PCSK5: variants seen among roughly 807,000 people sequenced by gnomAD.
PCSK5 encodes the protein proprotein convertase subtilisin/kexin type 5, also known as prohormone convertase 5.
In PCSK5, 129 loss-of-function variants were observed where a neutral mutation model predicts 233.2. The observed-to-expected ratio is 0.55, with a 90% confidence interval of 0.48 to 0.64. The LOEUF (loss-of-function observed/expected upper bound fraction) is 0.64, where lower values mean the gene tolerates loss of function less well. PCSK5 is among the 30% of genes least tolerant of loss of function. The pLI, the probability that PCSK5 is intolerant of heterozygous loss-of-function variation, is 0.00. For missense variants in PCSK5, 2,076 were observed against 2,430.1 expected, an observed-to-expected ratio of 0.85 and a Z score of 3.06; for synonymous variants, 825 against 879.2, an observed-to-expected ratio of 0.94 and a Z score of 1.09.
chr9:76,137,964 G>A (rs1823048959), intron 10 of PCSK5, among the ~76,000 whole-genome samples: 1 of 151,852 alleles, frequency 6.6e-6, no homozygotes, highest in Non-Finnish European at 1.5e-5. Flanking sequence ...ATTCTCCCTT[G>A]TGTTCCCTAA....
chr9:75,915,758 GATAAGT>G (rs374959054), intron 1 of PCSK5, among the ~76,000 whole-genome samples: 8 of 152,166 alleles, frequency 5.3e-5, no homozygotes, highest in Non-Finnish European at 7.3e-5. Context: ...GAATGGTCCA[GATAAGT>G]ATAAGTCTTG....
chr9:76,352,766 T>C (rs1015640277), intron 36 of PCSK5, among the ~76,000 whole-genome samples: 9 of 152,128 alleles, frequency 5.9e-5, no homozygotes, highest in Non-Finnish European at 1.3e-4. Flanking sequence ...ATATGAGCAC[T>C]CTTTAAATTC....
In PCSK5 at chr9:76,361,746, C is replaced by T. The variant is rs569448736; in HGVS notation, c.*2824C>T. ...TATCTCTTCAAAATGTATCTGAAGC[C>T]CTGATAGTTCTACTTTCAATTCTTA... On this transcript the variant is annotated 3_prime_UTR_variant, in exon 38 of 38. Transcript: ENST00000674117. The T allele has an allele frequency of 1.3e-5, 2 of 152,236 alleles. No individual in the cohort carries two copies. Among genetic ancestry groups the T allele is most frequent in the Non-Finnish European group, 2.9e-5 (2 of 68,016 alleles). 9.4% of individuals were successfully genotyped at this position (152,236 alleles called of 1,614,324 possible).
In PCSK5 at chr9:76,283,132, T is replaced by C. The variant is rs142705597; in HGVS notation, c.3143-9101T>C. On this transcript the variant is annotated intron_variant, in intron 24 of 37. Coordinates refer to ENST00000674117, the MANE Select transcript of PCSK5 (RefSeq NM_001372043.1). ...TCTCCTGGTGAAGATGCTGTGAACA[T>C]TGTTGAAATGAAAACAAATGATTTA... is the stretch of plus-strand genomic sequence containing the variant. Among the ~76,000 whole-genome samples, 600 of 152,328 alleles carry C rather than the reference T, an allele frequency of 3.9e-3. 4 individuals carry two copies. Among genetic ancestry groups the C allele is most frequent in the African/African-American group, 0.014 (571 of 41,574 alleles).
intron 10 of PCSK5, among the ~76,000 whole-genome samples, chr9:76,143,371 G>A (rs1481760602): frequency 6.6e-6 from 1 of 152,160 alleles, no homozygotes; most frequent in Non-Finnish European, 1.5e-5. Context: ...CATTTCATTT[G>A]AAAAACATTT....
At chr9:76,295,460 T>G (rs530940400) in intron 26 of PCSK5, 49 bp downstream of exon 26, 88 of 1,582,200 alleles carry the variant, frequency 5.6e-5, no homozygotes. Context: ...GCACTGGAGC[T>G]CCACACAGTC....
chr9:76,068,836 G>A (rs1242621145), intron 6 of PCSK5, among the ~76,000 whole-genome samples: 5 of 152,064 alleles, frequency 3.3e-5, no homozygotes, highest in East Asian at 1.9e-4. Flanking sequence ...TCCTAAGAGC[G>A]TCATAAGATG....
intron 20 of PCSK5, among the ~76,000 whole-genome samples, chr9:76,200,325 C>A (rs1215234440): frequency 6.6e-6 from 1 of 152,140 alleles, no homozygotes; most frequent in African/African-American, 2.4e-5. Flanking sequence ...GACCCAGGAC[C>A]CTTGCCCTTC....
intron 2 of PCSK5, among the ~76,000 whole-genome samples, chr9:75,975,159 C>T (rs192901763): frequency 4.6e-5 from 7 of 152,334 alleles, no homozygotes; most frequent in Admixed American, 1.3e-4. Flanking sequence ...CAGCTCTGAA[C>T]TTACAGGCTC....
chr9:75,893,332 T>C (rs747520317), intron 1 of PCSK5, among the ~76,000 whole-genome samples: 1 of 152,184 alleles, frequency 6.6e-6, no homozygotes, highest in Non-Finnish European at 1.5e-5. Flanking sequence ...ACTCTGACTG[T>C]TGCAGGCCCA....
rs1564196845 is a variant in PCSK5 at position 76,351,512 on chromosome 9, GAAA to G, written c.5067+585_5067+587del. Among the ~76,000 whole-genome samples, 46 of 109,036 alleles carry G rather than the reference GAAA, an allele frequency of 4.2e-4. 5 individuals carry two copies. Among genetic ancestry groups the G allele is most frequent in the African/African-American group, 1.2e-3 (37 of 30,496 alleles). The allele number at this position is 109,036 out of a possible 152,430, so 71.5% of individuals were successfully genotyped here. A position where few individuals can be genotyped will look rare whatever the true frequency, so the allele number is the denominator to read the frequency against. On this transcript the variant is annotated intron_variant, in intron 36 of 37. Coordinates refer to ENST00000674117, the MANE Select transcript of PCSK5 (RefSeq NM_001372043.1). ...AGAAAGAAAGAAAGAAAGAAAGAAA[GAAA>G]GAAAGAAAGAAAGAAAGGAAGGAAA...
chr9:76,048,130 C>T (rs1399072109), intron 5 of PCSK5, among the ~76,000 whole-genome samples: 1 of 152,166 alleles, frequency 6.6e-6, no homozygotes, highest in Non-Finnish European at 1.5e-5. Flanking sequence ...GTGATGGAAG[C>T]TGTTCTTAAA....
intron 9 of PCSK5, among the ~76,000 whole-genome samples, chr9:76,123,160 A>T (rs1462886574): frequency 6.6e-6 from 1 of 151,868 alleles, no homozygotes; most frequent in Admixed American, 6.6e-5. Context: ...TATTTTCTTA[A>T]AGTCTTTGAT....
At chr9:75,934,944 A>G (rs901421165) in intron 2 of PCSK5, among the ~76,000 whole-genome samples, 10 of 152,114 alleles carry the variant, frequency 6.6e-5, no homozygotes, top group African/African-American at 2.4e-4. Flanking sequence ...AGAATTTGCA[A>G]ACATGAAAAT....
At chr9:76,337,258 G>T (rs568229738) in intron 34 of PCSK5, among the ~76,000 whole-genome samples, 2 of 150,968 alleles carry the variant, frequency 1.3e-5, no homozygotes, top group East Asian at 3.9e-4. Context: ...CACTCTCCTG[G>T]GTTCAAACAA....
At chr9:76,203,999 T>C (rs1266979860) in intron 20 of PCSK5, among the ~76,000 whole-genome samples, 2 of 152,180 alleles carry the variant, frequency 1.3e-5, no homozygotes, top group Non-Finnish European at 2.9e-5. Context: ...TCCAGGAACA[T>C]TTTGAGGATT....
intron 8 of PCSK5, among the ~76,000 whole-genome samples, chr9:76,101,717 T>A (rs1248863039): frequency 6.6e-6 from 1 of 152,224 alleles, no homozygotes. Context: ...TTTTATTTAT[T>A]TGTGTTCAAA....
At chr9:76,148,348 TCTCCCTCTC>T (rs1564062016) in intron 10 of PCSK5, among the ~76,000 whole-genome samples, 39 of 13,952 alleles carry the variant, frequency 2.8e-3, no homozygotes, top group Non-Finnish European at 1.3e-3. Flanking sequence ...GGAGTTTCTC[TCTCCCTCTC>T]TCTCCCTCTC....
intron 25 of PCSK5, 143 bp from the exon 26 acceptor site, chr9:76,295,132 G>A (rs944974903): frequency 1.9e-5 from 13 of 683,594 alleles, no homozygotes; most frequent in African/African-American, 3.7e-5. Context: ...CAGCCTGGGC[G>A]ACAAGAGCAA....
Sources: allele counts gnomAD v4.1 joint callset (sites outside exome capture counted in the v4.1 genomes callset), GRCh38; gene constraint gnomAD v4.1.1; transcripts MANE v1.5; gene names NCBI Gene and HGNC (gene_info 2026-07-23, HGNC 2026-07-21).